ZBTB20: variants seen among roughly 807,000 people sequenced by gnomAD.
ZBTB20 encodes zinc finger and BTB domain containing 20.
In ZBTB20, 9 loss-of-function variants were observed where a neutral mutation model predicts 56.9. The observed-to-expected ratio is 0.16, with a 90% CI of 0.10 to 0.28. The LOEUF (loss-of-function observed/expected upper bound fraction) is 0.28. Ranked by LOEUF, ZBTB20 falls within the 10% of genes least tolerant of loss-of-function variation. The probability of loss-of-function intolerance (pLI) is 1.00; values close to 1 mark genes in which losing one functional copy is unlikely to be tolerated. For missense variants in ZBTB20, 655 were observed against 1,003.0 expected (o/e 0.65, Z 4.69); for synonymous variants, 417 against 420.7 (o/e 0.99, Z 0.11).
chr3:114,955,815 T>C (rs1276688341), intron 3 of ZBTB20, among the ~76,000 whole-genome samples: 1 of 152,108 alleles, frequency 6.6e-6, no homozygotes, highest in Non-Finnish European at 1.5e-5. Context: ...GGGGTGTACT[T>C]TATTCTGTTT....
At chr3:114,408,082 C>A (rs968913041) in intron 7 of ZBTB20, among the ~76,000 whole-genome samples, 3 of 152,144 alleles carry the variant, frequency 2.0e-5, no homozygotes, top group Admixed American at 6.5e-5. Flanking sequence ...TCATTCTAGT[C>A]GTCTGTCTCC....
intron 8 of ZBTB20, among the ~76,000 whole-genome samples, chr3:114,386,572 T>C (rs113643585): frequency 6.6e-6 from 1 of 152,110 alleles, no homozygotes; most frequent in South Asian, 2.1e-4. Flanking sequence ...CCAGTCAGAA[T>C]TGGAGTTGGG....
At chr3:114,479,350 T>C (rs2041259835) in intron 7 of ZBTB20, among the ~76,000 whole-genome samples, 1 of 152,212 alleles carries the variant, frequency 6.6e-6, no homozygotes, top group South Asian at 2.1e-4. Flanking sequence ...CTCTTAAACC[T>C]GACCTCTTAA....
chr3:114,791,138 G>C (rs2070931809), intron 5 of ZBTB20, among the ~76,000 whole-genome samples: 1 of 152,088 alleles, frequency 6.6e-6, no homozygotes, highest in African/African-American at 2.4e-5. Context: ...TAAGATAGGA[G>C]AAAGTGTCCC....
chr3:114,347,789 G>A (rs1031872495), intron 11 of ZBTB20, among the ~76,000 whole-genome samples: 4 of 152,250 alleles, frequency 2.6e-5, no homozygotes, highest in African/African-American at 4.8e-5. Context: ...TTTTAAATTA[G>A]GTGCCTGATT....
intron 10 of ZBTB20, among the ~76,000 whole-genome samples, chr3:114,355,050 G>A (rs192203998): frequency 7.8e-4 from 118 of 152,244 alleles, no homozygotes; most frequent in Admixed American, 1.3e-3. Flanking sequence ...CTGAGGAATG[G>A]AACTTGAAGT....
intron 1 of ZBTB20, among the ~76,000 whole-genome samples, chr3:115,082,947 A>C (rs993741488): frequency 3.3e-5 from 5 of 152,110 alleles, no homozygotes; most frequent in Middle Eastern, 3.2e-3. Context: ...ACTACATTTC[A>C]AAGTCAAACA....
At chr3:114,481,183 G>A (rs1193925696) in intron 7 of ZBTB20, among the ~76,000 whole-genome samples, 4 of 151,380 alleles carry the variant, frequency 2.6e-5, no homozygotes, top group African/African-American at 7.3e-5. Flanking sequence ...TCTGTAAGAC[G>A]GTTTGAGTGC....
intron 2 of ZBTB20, among the ~76,000 whole-genome samples, chr3:115,016,626 T>C (rs151104057): frequency 6.6e-6 from 1 of 151,888 alleles, no homozygotes; most frequent in Non-Finnish European, 1.5e-5. Flanking sequence ...GTTGTAGGCA[T>C]GTGGTCTCAT....
chr3:114,699,758 G>A (rs902131316), intron 5 of ZBTB20, among the ~76,000 whole-genome samples: 3 of 152,002 alleles, frequency 2.0e-5, no homozygotes, highest in Non-Finnish European at 4.4e-5. Context: ...CTGGCAATAT[G>A]TCAACAAGAT....
intron 6 of ZBTB20, among the ~76,000 whole-genome samples, chr3:114,535,126 G>A (rs373886504): frequency 1.3e-5 from 2 of 151,940 alleles, no homozygotes; most frequent in Non-Finnish European, 2.9e-5. Flanking sequence ...CAGAAGAGAA[G>A]AAATAACTAA....
intron 7 of ZBTB20, among the ~76,000 whole-genome samples, chr3:114,499,621 C>A (rs909560660): frequency 5.3e-5 from 8 of 152,076 alleles, no homozygotes; most frequent in African/African-American, 1.9e-4. Context: ...GGTTCATTGG[C>A]CTAGAATCTT....
At chr3:114,836,141 C>T (rs1230008726) in intron 4 of ZBTB20, among the ~76,000 whole-genome samples, 2 of 152,162 alleles carry the variant, frequency 1.3e-5, no homozygotes, top group African/African-American at 4.8e-5. Flanking sequence ...ATAACAAAGT[C>T]TGACTCAAGG....
rs1012239957 is a variant in ZBTB20, at chr3:114,741,633, G to A, written c.-342-48058C>T. On this transcript the variant is annotated intron_variant, in intron 5 of 11. Coordinates refer to ENST00000675478, the MANE Select transcript of ZBTB20 (RefSeq NM_001348800.3). The stretch of plus-strand genomic sequence containing the variant: ...CTCACGCCTGTAATCCCAGCATTTC[G>A]AGAGGCTGAGGCAGGTGGATCATGA... 3.9e-5 allele frequency among the ~76,000 whole-genome samples: 6 copies of A among 152,044 alleles called. No individual in the cohort carries two copies. In the East Asian group the frequency reaches 5.8e-4, roughly 15 times the overall value.
In ZBTB20 at chr3:114,470,408, GT is replaced by G. The variant is rs746635099; in HGVS notation, c.-255+29943del. On this transcript the variant is annotated intron_variant, in intron 7 of 11. Transcript: ENST00000675478. ...TTATTTCCATGTTTTATAGTAGTTA[GT>G]TTTTTATTTGCTTTTAAATATAGAT... Among the ~76,000 whole-genome samples the G allele has an allele frequency of 9.9e-5, 15 of 152,178 alleles. No individual in the cohort carries two copies. In the East Asian group the frequency reaches 1.9e-3, roughly 20 times the overall value.
intron 3 of ZBTB20, among the ~76,000 whole-genome samples, chr3:114,959,535 A>T (rs963865278): frequency 6.6e-6 from 1 of 152,132 alleles, no homozygotes; most frequent in Non-Finnish European, 1.5e-5. Flanking sequence ...AAAAATGATG[A>T]CAAATTTGCA....
chr3:114,910,388 G>C (rs577661543), intron 3 of ZBTB20, among the ~76,000 whole-genome samples: 3 of 151,646 alleles, frequency 2.0e-5, no homozygotes, highest in Non-Finnish European at 2.9e-5. Flanking sequence ...AAAATCTGTT[G>C]AGGTCTATGT....
chr3:115,101,814 A>G (rs1166253590), intron 1 of ZBTB20, among the ~76,000 whole-genome samples: 2 of 152,210 alleles, frequency 1.3e-5, no homozygotes, highest in Non-Finnish European at 2.9e-5. Context: ...GTGTATTAAC[A>G]TGCTTCAAAA....
intron 10 of ZBTB20, among the ~76,000 whole-genome samples, chr3:114,370,144 A>G (rs2082843922): frequency 6.6e-6 from 1 of 152,114 alleles, no homozygotes; most frequent in African/African-American, 2.4e-5. Flanking sequence ...TGGAAGATCT[A>G]ATTCCTTCTC....
Sources: allele counts gnomAD v4.1 joint callset (sites outside exome capture counted in the v4.1 genomes callset), GRCh38; gene constraint gnomAD v4.1.1; transcripts MANE v1.5; gene names NCBI Gene and HGNC (gene_info 2026-07-23, HGNC 2026-07-21).